The following ITGA1 variants were observed in gnomAD, a reference collection of about 807,000 sequenced individuals.
The protein encoded by ITGA1 is integrin subunit alpha 1, also known as integrin alpha-1.
A neutral mutation model predicts 145.9 loss-of-function variants in ITGA1; 85 were observed. That is an observed-to-expected ratio of 0.58 (90% CI 0.49 to 0.70). The LOEUF is 0.70. Among genes scored for constraint, ITGA1 ranks in the 30% least tolerant of loss-of-function variants. The pLI, the probability that ITGA1 is intolerant of heterozygous loss-of-function variation, is 0.00. For missense variants in ITGA1, 1,351 were observed against 1,418.7 expected, an observed-to-expected ratio of 0.95 and a Z score of 0.77; for synonymous variants, 520 against 495.3, an observed-to-expected ratio of 1.05 and a Z score of -0.66.
At chr5:52,856,570 C>T (rs1055259008) in intron 2 of ITGA1, among the ~76,000 whole-genome samples, 1 of 152,056 alleles carries the variant, frequency 6.6e-6, no homozygotes, top group Non-Finnish European at 1.5e-5. Flanking sequence ...CCTACGTATG[C>T]CTTATCAGTT....
chr5:52,893,923 C>G, intron 9 of ITGA1, 83 bp downstream of exon 9: 1 of 933,746 alleles, frequency 1.1e-6, no homozygotes, highest in Non-Finnish European at 1.6e-6. Flanking sequence ...ATTCCTAATA[C>G]ATCAGTAATA....
Position 52,918,728 on chromosome 5 carries a change from G to A in ITGA1, c.1989-4G>A. ...GTGAGTAATCCCATTGTTTTTGTTT[G>A]TAGGTCCCGAGATGTGGCCGTAGTT... On this transcript the variant is annotated splice_polypyrimidine_tract_variant and splice_region_variant and intron_variant, in intron 15 of 28. Coordinates refer to ENST00000282588, the MANE Select transcript of ITGA1 (RefSeq NM_181501.2). The A allele has an allele frequency of 6.3e-7, 1 of 1,597,380 alleles. No individual in the cohort carries two copies. Among genetic ancestry groups the A allele is most frequent in the Non-Finnish European group, 8.5e-7 (1 of 1,174,944 alleles).
At chr5:52,900,349 C>T (rs1205027269) in intron 11 of ITGA1, among the ~76,000 whole-genome samples, 1 of 152,096 alleles carries the variant, frequency 6.6e-6, no homozygotes, top group Non-Finnish European at 1.5e-5. Context: ...TTATGAAAGG[C>T]ATTTGACAAT....
intron 1 of ITGA1, among the ~76,000 whole-genome samples, chr5:52,824,077 A>G (rs1405933410): frequency 1.3e-5 from 2 of 152,106 alleles, no homozygotes; most frequent in African/African-American, 4.8e-5. Flanking sequence ...AATTTTCTTC[A>G]GCCCTGATTA....
intron 7 of ITGA1, among the ~76,000 whole-genome samples, chr5:52,884,447 T>TAAAAA (rs72022536): frequency 3.7e-5 from 5 of 136,738 alleles, no homozygotes; most frequent in East Asian, 4.2e-4. Context: ...AACTCTGCCT[T>TAAAAA]AAAAAAAAAA....
At chr5:52,942,730 AT>A (rs1034797871) in intron 26 of ITGA1, among the ~76,000 whole-genome samples, 27 of 144,126 alleles carry the variant, frequency 1.9e-4, no homozygotes, top group African/African-American at 5.9e-4. Context: ...TTTAGTAGAG[AT>A]GGGGTTTCAC....
chr5:52,915,466 T>C lies in ITGA1; in HGVS notation c.1860T>C (p.Arg620=). The C allele has an allele frequency of 6.2e-7, 1 of 1,613,934 alleles. No homozygotes were observed. Among genetic ancestry groups the C allele is most frequent in the African/African-American group, 1.3e-5 (1 of 75,054 alleles). The change falls in exon 15 of 29, where the codon CGT becomes CGC. Residue 620 remains arginine (R), a splice_region_variant and synonymous_variant. Coordinates refer to ENST00000282588, the MANE Select transcript of ITGA1 (RefSeq NM_181501.2). ...CTCTTTTTTTTGGATTCTCACAGCG[T>C]ATTCCATCAGGTGGGGATGGTAAGA... ...GKTIRKEYAQ[R]IPSGGDGKTL...
chr5:52,788,506 G>C (rs1748172822), intron 1 of ITGA1, 92 bp downstream of exon 1: 3 of 1,090,842 alleles, frequency 2.8e-6, no homozygotes, highest in Non-Finnish European at 3.7e-6. Flanking sequence ...GGCCAGATAG[G>C]AAGAGAGAGC....
intron 20 of ITGA1, among the ~76,000 whole-genome samples, chr5:52,927,932 G>A (rs1477424813): frequency 6.6e-6 from 1 of 152,042 alleles, no homozygotes; most frequent in Admixed American, 6.6e-5. Context: ...CCCCCATGAG[G>A]GATTAGTGTC....
At chr5:52,924,088 C>T (rs1042858175) in intron 18 of ITGA1, among the ~76,000 whole-genome samples, 4 of 152,168 alleles carry the variant, frequency 2.6e-5, no homozygotes, top group African/African-American at 9.7e-5. Context: ...ACTAGCGTGG[C>T]TCCAATGGAA....
At chr5:52,801,877 CTAAACTGTTACAG>C (rs1261840852) in intron 1 of ITGA1, 1 of 1,463,510 alleles carries the variant, frequency 6.8e-7, no homozygotes, top group African/African-American at 1.4e-5. Flanking sequence ...CTTGTGTTTC[CTAAACTGTTACAG>C]TACATTTCTC....
rs1751282428 is a variant in ITGA1 at position 52,955,033 on chromosome 5, C to G, written c.*2582C>G. On this transcript the variant is annotated 3_prime_UTR_variant, in exon 29 of 29. Coordinates refer to ENST00000282588, the MANE Select transcript of ITGA1 (RefSeq NM_181501.2). ...AAATTGCCAAAAAGTTTCTTTTTCTCTAACTTTGGTATTCTAAATAATTGA... is the reference window on the plus strand; with the variant it reads ...AAATTGCCAAAAAGTTTCTTTTTCTGTAACTTTGGTATTCTAAATAATTGA... 1 of 152,060 alleles carries G rather than the reference C, an allele frequency of 6.6e-6. No homozygotes were observed. Among genetic ancestry groups the G allele is most frequent in the Non-Finnish European group, 1.5e-5 (1 of 68,012 alleles). The allele number at this position is 152,060 out of a possible 1,614,324, so 9.4% of individuals were successfully genotyped here. A position where few individuals can be genotyped will look rare whatever the true frequency, so the allele number is the denominator to read the frequency against.
At chr5:52,820,307 G>C (rs1748855447) in intron 1 of ITGA1, among the ~76,000 whole-genome samples, 1 of 145,588 alleles carries the variant, frequency 6.9e-6, no homozygotes, top group Admixed American at 7.1e-5. Flanking sequence ...CTCACTCATA[G>C]GTGGGAATTA....
At chr5:52,856,680 CAGAGAGAGAGAGAGAG>C (rs137879951) in intron 2 of ITGA1, among the ~76,000 whole-genome samples, 2 of 148,216 alleles carry the variant, frequency 1.3e-5, no homozygotes, top group African/African-American at 5.0e-5. Context: ...GAAAAAGAGA[CAGAGAGAGAGAGAGAG>C]AGAGAGAGAG....
In ITGA1 at chr5:52,927,579, C is replaced by T. The variant is rs984243793; in HGVS notation, c.2614-5C>T. 4 of 1,600,626 alleles carry T rather than the reference C, an allele frequency of 2.5e-6. No homozygotes were observed. The highest frequency in any genetic ancestry group is 3.4e-6 in the Non-Finnish European group (4 of 1,170,334). On this transcript the variant is annotated splice_polypyrimidine_tract_variant and splice_region_variant and intron_variant, in intron 19 of 28. Transcript: ENST00000282588. The stretch of plus-strand genomic sequence containing the variant: ...ACTCTGATTCTGTTTGCTTTCTCTT[C>T]CTAGGCTATCCAAAAAGACAGTTGT...
rs1750244953 is a variant in ITGA1 at position 52,897,522 on chromosome 5, T to C, written c.1158T>C (p.Tyr386=). ...CTCAGACTGGCTTCAGTGCTCATTA[T>C]TCACAGGTATGTTGACCAGTTGGTG... ...EMSQTGFSAH[Y]SQDWVMLGAV... is the part of the protein sequence containing the mutation. The change falls in exon 10 of 29, where the codon TAT becomes TAC. Residue 386 remains tyrosine, a synonymous_variant. Transcript: ENST00000282588. The C allele has an allele frequency of 6.2e-7, 1 of 1,612,176 alleles. No homozygotes were observed. The highest frequency in any genetic ancestry group is 1.7e-5 in the Admixed American group (1 of 59,936).
intron 1 of ITGA1, among the ~76,000 whole-genome samples, chr5:52,838,788 T>A (rs2406221): frequency 0.078 from 11,809 of 152,196 alleles, 449 homozygotes; most frequent in Non-Finnish European, 0.083. Context: ...CAGTAATTAT[T>A]TTCCAGTCTA....
chr5:52,833,015 A>T (rs1295475368), intron 1 of ITGA1, among the ~76,000 whole-genome samples: 1 of 151,962 alleles, frequency 6.6e-6, no homozygotes, highest in Non-Finnish European at 1.5e-5. Context: ...AACATGGTGA[A>T]AACCCATCTC....
chr5:52,810,226 C>T (rs1748664310), intron 1 of ITGA1, among the ~76,000 whole-genome samples: 1 of 152,134 alleles, frequency 6.6e-6, no homozygotes, highest in South Asian at 2.1e-4. Context: ...GGTGGCACAG[C>T]CACCTCAGGG....
Sources: gnomAD v4.1 joint callset for allele counts (sites outside exome capture counted in the v4.1 genomes callset) on GRCh38, gnomAD v4.1.1 for gene constraint, MANE v1.5 for transcripts, NCBI Gene and HGNC (gene_info 2026-07-23, HGNC 2026-07-21) for gene names.